Variants in CTCFL observed in about 807,000 individuals in gnomAD.
The protein encoded by CTCFL is transcriptional repressor CTCFL.
CTCFL carries 36 observed loss-of-function variants against 67.4 expected under a neutral mutation model. The ratio of observed to expected loss-of-function variants is 0.53; its 90% CI spans 0.41 to 0.71. The LOEUF (loss-of-function observed/expected upper bound fraction) is 0.71. CTCFL is among the 30% of genes least tolerant of loss of function. The pLI is 0.00. For synonymous variants in CTCFL, 324 were observed against 302.3 expected, an observed-to-expected ratio of 1.07 and a Z score of -0.75; for missense variants, 786 against 835.2, an observed-to-expected ratio of 0.94 and a Z score of 0.73.
chr20:57,502,951 C>T (rs2067995083), intron 10 of CTCFL, among the ~76,000 whole-genome samples: 2 of 152,206 alleles, frequency 1.3e-5, no homozygotes, highest in Admixed American at 1.3e-4. Flanking sequence ...AAGACAGAGG[C>T]AGAGACTGGA....
At chr20:57,514,566 A>G in intron 7 of CTCFL, 26 bp downstream of exon 7, 1 of 1,612,584 alleles carries the variant, frequency 6.2e-7, no homozygotes, top group Non-Finnish European at 8.5e-7. Context: ...ATGCTGTAGT[A>G]AAAGAAAGAT....
At chr20:57,511,244 T>G (rs2068532600) in intron 8 of CTCFL, among the ~76,000 whole-genome samples, 1 of 152,136 alleles carries the variant, frequency 6.6e-6, no homozygotes. Context: ...CTCATTATGT[T>G]GCCCAGGTTG....
rs750244176 is a variant in CTCFL at position 57,523,108 on chromosome 20, A to G, written c.714T>C (p.Ala238=). The G allele has an allele frequency of 9.3e-6, 15 of 1,613,770 alleles. No homozygotes were observed. The highest frequency in any genetic ancestry group is 1.3e-5 in the African/African-American group (1 of 74,904). The change falls in exon 3 of 11, where the codon GCT becomes GCC. Residue 238 remains alanine (A), a synonymous_variant. Transcript: ENST00000243914. ...GATTTTTTGTAGATTTGGCCTTTTC[A>G]GCATCTGCTTGACCAGCTGTAGGTT... ...EDQPTAGQAD[A]EKAKSTKNQR...
rs1438292159 is a variant in CTCFL, at chr20:57,523,631, T to C, written c.543+32A>G. On this transcript the variant is annotated intron_variant, in intron 2 of 10. Transcript: ENST00000243914. ...GCCGACTTGAATTTTTTCTTTTTCATGTAAGGGGTTGTTTATTAAAACCAG... is the reference window on the plus strand; with the variant it reads ...GCCGACTTGAATTTTTTCTTTTTCACGTAAGGGGTTGTTTATTAAAACCAG... The C allele has an allele frequency of 7.0e-6, 11 of 1,582,140 alleles. No individual in the cohort carries two copies. The East Asian group carries it at 1.6e-4, about 23-fold the overall frequency.
chr20:57,513,634 G>A, intron 7 of CTCFL: 1 of 1,174,936 alleles, frequency 8.5e-7, no homozygotes, highest in Non-Finnish European at 1.1e-6. Flanking sequence ...ACTGTGTTTT[G>A]TGATGTGCTG....
chr20:57,497,807 AG>A lies in CTCFL; in HGVS notation c.*742del. The A allele has an allele frequency of 1.0e-6, 1 of 985,406 alleles. No individual in the cohort carries two copies. The highest frequency in any genetic ancestry group is 1.7e-5 in the African/African-American group (1 of 57,376). The allele number at this position is 985,406 out of a possible 1,614,324, so 61.0% of individuals were successfully genotyped here. ...TAATAAGCAATAATGGAATGTAACC[AG>A]GGCAATTTCATACCTGCCAAGGAGC... is the stretch of plus-strand genomic sequence containing the variant. On this transcript the variant is annotated 3_prime_UTR_variant, in exon 11 of 11. Coordinates refer to ENST00000243914, the MANE Select transcript of CTCFL (RefSeq NM_001386993.1).
intron 3 of CTCFL, among the ~76,000 whole-genome samples, chr20:57,522,357 A>C (rs1456485104): frequency 1.3e-5 from 2 of 152,248 alleles, no homozygotes; most frequent in African/African-American, 2.4e-5. Context: ...TGTTGATTTA[A>C]ATAAGTGAGA....
intron 3 of CTCFL, among the ~76,000 whole-genome samples, chr20:57,522,266 G>T (rs1274004597): frequency 6.6e-6 from 1 of 152,170 alleles, no homozygotes; most frequent in Non-Finnish European, 1.5e-5. Flanking sequence ...GGCACCTGAT[G>T]CCAGGAGGAA....
rs2069129270 is a variant in CTCFL at position 57,518,907 on chromosome 20, G to GTTCA, written c.926-20_926-17dup. The GTTCA allele has an allele frequency of 6.3e-7, 1 of 1,597,218 alleles. No individual in the cohort carries two copies. The highest frequency in any genetic ancestry group is 1.7e-5 in the Admixed American group (1 of 57,678). On this transcript the variant is annotated splice_polypyrimidine_tract_variant and intron_variant, in intron 4 of 10. Transcript: ENST00000243914. ...GGCCTGGTTCCTGTAAAATCACATA[G>GTTCA]TTCATACTTTCAAAACAAGACTTAA...
chr20:57,514,784 C>G, intron 6 of CTCFL, 43 bp from the exon 7 acceptor site: 1 of 1,583,464 alleles, frequency 6.3e-7, no homozygotes, highest in Non-Finnish European at 8.6e-7. Context: ...CAGGCCTGAT[C>G]CTTGCCAAAG....
rs376151406 is a variant in CTCFL at position 57,498,827 on chromosome 20, C to T, written c.1841-126G>A. 1.4e-5 allele frequency: 11 copies of T among 799,690 alleles called. No individual in the cohort carries two copies. The South Asian group carries it at 1.9e-4, about 14-fold the overall frequency. 49.5% of individuals were successfully genotyped at this position (799,690 alleles called of 1,614,324 possible). A position where few individuals can be genotyped will look rare whatever the true frequency, so the allele number is the denominator to read the frequency against. ...ACACGGCAGCAAGCATGTTAGAAAA[C>T]AATCTAATTGATAAGATGGTACTAT... On this transcript the variant is annotated intron_variant, in intron 10 of 10. Coordinates refer to ENST00000243914, the MANE Select transcript of CTCFL (RefSeq NM_001386993.1).
At position 57,523,870 on chromosome 20, in the gene CTCFL, C is replaced by A; in HGVS notation, c.336G>T (p.Val112=). Residue 112 remains valine (V), a synonymous_variant, in exon 2 of 11, where the codon GTG becomes GTT. Coordinates refer to ENST00000243914, the MANE Select transcript of CTCFL (RefSeq NM_001386993.1). The part of the protein sequence containing the change: ...IQQQEGVQVV[V]QQPGPGLLWL... ...ACAGCAACCCAGGGCCAGGCTGTTG[C>A]ACCACCACCTGCACCCCTTCTTGCT... 1 of 1,613,234 alleles carries A rather than the reference C, an allele frequency of 6.2e-7. No homozygotes were observed. Among genetic ancestry groups the A allele is most frequent in the African/African-American group, 1.3e-5 (1 of 75,056 alleles).
rs569568563 is a variant in CTCFL at position 57,500,743 on chromosome 20, T to C, written c.1841-2042A>G. Among the ~76,000 whole-genome samples the C allele has an allele frequency of 5.9e-5, 9 of 152,282 alleles. No individual in the cohort carries two copies. In the South Asian group the frequency reaches 1.9e-3, roughly 32 times the overall value. Reference sequence around the variant, plus strand: ...TAAGAACCTTCTCAACTCTTCTCCATAGCAAAAATGTCACCGACTGAGGGT... The same window carrying C: ...TAAGAACCTTCTCAACTCTTCTCCACAGCAAAAATGTCACCGACTGAGGGT... On this transcript the variant is annotated intron_variant, in intron 10 of 10. Transcript: ENST00000243914.
intron 8 of CTCFL, 141 bp from the exon 9 acceptor site, chr20:57,508,929 G>T: frequency 1.3e-6 from 1 of 770,572 alleles, no homozygotes; most frequent in Non-Finnish European, 2.0e-6. Context: ...AACACATTCT[G>T]AACAAGGCAG....
chr20:57,514,638 G>T lies in CTCFL; in HGVS notation c.1284C>A (p.Tyr428Ter). 1 of 1,614,184 alleles carries T rather than the reference G, an allele frequency of 6.2e-7. No individual in the cohort carries two copies. The highest frequency in any genetic ancestry group is 8.5e-7 in the Non-Finnish European group (1 of 1,180,032). Residue 428 changes from tyrosine to a stop codon, truncating the protein, a stop_gained, in exon 7 of 11, where the codon TAC (tyrosine) becomes TAA (stop). Transcript: ENST00000243914. LOFTEE classifies it high-confidence loss of function. ...LQKHGENVPK[Y>*]QCPHCATIIA... ...TGATGGTGGCACAATGGGGACACTG[G>T]TATTTGGGGACATTTTCGCCGTGTT...
In CTCFL at chr20:57,498,496, A is replaced by T; in HGVS notation, c.*54T>A. ...GCATTTCACACCTTAAATGCTAAAA[A>T]CTTCTAACTTGCTTTAGGAATTGGG... On this transcript the variant is annotated 3_prime_UTR_variant, in exon 11 of 11. Transcript: ENST00000243914. 1 of 1,572,832 alleles carries T rather than the reference A, an allele frequency of 6.4e-7. No individual in the cohort carries two copies. The highest frequency in any genetic ancestry group is 1.2e-5 in the South Asian group (1 of 84,890).
chr20:57,501,065 G>A (rs1006245404), intron 10 of CTCFL, among the ~76,000 whole-genome samples: 3 of 152,256 alleles, frequency 2.0e-5, no homozygotes, highest in East Asian at 3.9e-4. Flanking sequence ...AAATTTCACC[G>A]GTCTGTCTTC....
chr20:57,517,922 C>A (rs144430280), intron 5 of CTCFL, among the ~76,000 whole-genome samples: 1 of 152,148 alleles, frequency 6.6e-6, no homozygotes, highest in African/African-American at 2.4e-5. Flanking sequence ...ACAATCACAA[C>A]CTTTAACTCA....
At chr20:57,510,801 T>C (rs773282583) in intron 8 of CTCFL, among the ~76,000 whole-genome samples, 11 of 152,292 alleles carry the variant, frequency 7.2e-5, no homozygotes, top group Non-Finnish European at 1.5e-4. Context: ...AGGTGGAGTT[T>C]GCAGTGATAG....
Sources: gnomAD v4.1 joint callset for allele counts (sites outside exome capture counted in the v4.1 genomes callset) on GRCh38, gnomAD v4.1.1 for gene constraint, MANE v1.5 for transcripts, NCBI Gene and HGNC (gene_info 2026-07-23, HGNC 2026-07-21) for gene names.